ZPBP: variants seen among roughly 807,000 people sequenced by gnomAD.
ZPBP encodes the protein zona pellucida binding protein.
In ZPBP, 26 loss-of-function variants were observed where a neutral mutation model predicts 44.8. The ratio of observed to expected loss-of-function variants is 0.58; its 90% CI spans 0.43 to 0.81. The LOEUF (loss-of-function observed/expected upper bound fraction) is 0.81. Ranked by LOEUF, ZPBP falls within the 30% of genes least tolerant of loss-of-function variation. The pLI, the probability that ZPBP is intolerant of heterozygous loss-of-function variation, is 0.00. For synonymous variants in ZPBP, 174 were observed against 153.2 expected, an observed-to-expected ratio of 1.14 and a Z score of -1.00; for missense variants, 409 against 434.0, an observed-to-expected ratio of 0.94 and a Z score of 0.51.
At chr7:49,929,088 A>G (rs1266588769) in intron 1 of ZPBP, among the ~76,000 whole-genome samples, 1 of 152,194 alleles carries the variant, frequency 6.6e-6, no homozygotes, top group African/African-American at 2.4e-5. Flanking sequence ...GCCTCATCCA[A>G]AATTGGCAGT....
intron 1 of ZPBP, among the ~76,000 whole-genome samples, chr7:49,905,054 G>C (rs1032599122): frequency 6.6e-6 from 1 of 152,064 alleles, no homozygotes; most frequent in Non-Finnish European, 1.5e-5. Context: ...AATTCTAATT[G>C]TTATCTGAAT....
intron 4 of ZPBP, 87 bp downstream of exon 4, chr7:50,057,902 A>G: frequency 8.0e-7 from 1 of 1,247,934 alleles, no homozygotes; most frequent in Non-Finnish European, 1.1e-6. Context: ...AAAATAACAA[A>G]GTCCCTTTAA....
intron 1 of ZPBP, among the ~76,000 whole-genome samples, chr7:49,928,488 C>T (rs755606064): frequency 6.6e-6 from 1 of 152,172 alleles, no homozygotes; most frequent in Non-Finnish European, 1.5e-5. Context: ...TTTCTCTTCC[C>T]CACTCTCCTT....
At chr7:49,918,814 A>T (rs1039118741) in intron 1 of ZPBP, 4 of 152,264 alleles carry the variant, frequency 2.6e-5, no homozygotes, top group African/African-American at 9.7e-5. Context: ...TCACGCCTAT[A>T]ATCCCAGCAC....
intron 2 of ZPBP, among the ~76,000 whole-genome samples, chr7:49,881,687 T>A (rs1791668826): frequency 6.6e-6 from 1 of 152,180 alleles, no homozygotes; most frequent in Non-Finnish European, 1.5e-5. Context: ...TCCCTAAAAG[T>A]CTTTGGTTTG....
intron 2 of ZPBP, among the ~76,000 whole-genome samples, chr7:49,877,273 C>G (rs1791450765): frequency 6.6e-6 from 1 of 150,824 alleles, no homozygotes; most frequent in South Asian, 2.1e-4. Context: ...ACCAGCCTGG[C>G]CAACATGGGG....
intron 7 of ZPBP, among the ~76,000 whole-genome samples, chr7:49,968,334 T>C (rs189950712): frequency 6.6e-6 from 1 of 152,128 alleles, no homozygotes; most frequent in Admixed American, 6.5e-5. Context: ...ACAATGCAAA[T>C]TTTCCAAAAT....
chr7:49,969,159 T>C (rs1490194335), intron 7 of ZPBP, among the ~76,000 whole-genome samples: 1 of 147,994 alleles, frequency 6.8e-6, no homozygotes, highest in African/African-American at 2.5e-5. Context: ...TTTATACATA[T>C]TTTTATACAT....
rs184248428 is a variant in ZPBP at position 50,034,859 on chromosome 7, G to A, written c.488-3549C>T. Among the ~76,000 whole-genome samples the A allele has an allele frequency of 6.8e-4, 103 of 152,314 alleles. 1 individual carries two copies. The highest frequency in any genetic ancestry group is 3.5e-3 in the Admixed American group (54 of 15,302). On this transcript the variant is annotated intron_variant, in intron 4 of 7. Coordinates refer to ENST00000046087, the MANE Select transcript of ZPBP (RefSeq NM_007009.3). ...AAGCTACCAACTTGGAATTTAATAT[G>A]TAAAACTTTCTAAAACTAAAGCTGT... is the stretch of plus-strand genomic sequence containing the variant.
the ZPBP span, among the ~76,000 whole-genome samples, chr7:49,840,728 T>C: frequency 2.0e-5 from 3 of 152,186 alleles, no homozygotes; most frequent in Admixed American, 2.0e-4. Flanking sequence ...TATTCACTCT[T>C]TTATTGTTCA....
chr7:49,881,959 A>ATTAAAATTTCGTATT (rs1791684217), intron 2 of ZPBP, among the ~76,000 whole-genome samples: 1 of 152,042 alleles, frequency 6.6e-6, no homozygotes, highest in Non-Finnish European at 1.5e-5. Context: ...TGTCTTGAAA[A>ATTAAAATTTCGTATT]TAAATTACAT....
chr7:49,940,034 T>C (rs1215136208), intron 7 of ZPBP, among the ~76,000 whole-genome samples: 2 of 152,146 alleles, frequency 1.3e-5, no homozygotes, highest in African/African-American at 2.4e-5. Context: ...CAATCAGAGC[T>C]TGGCTACATC....
chr7:49,845,738 C>T (rs1317279563), downstream of ZPBP, among the ~76,000 whole-genome samples: 1 of 152,194 alleles, frequency 6.6e-6, no homozygotes, highest in African/African-American at 2.4e-5. Context: ...AAGAGCACTT[C>T]CCAGTACAAA....
At chr7:49,846,403 C>G (rs1789947104), downstream of ZPBP, among the ~76,000 whole-genome samples, 4 of 152,214 alleles carry the variant, frequency 2.6e-5, no homozygotes, top group Admixed American at 6.5e-5. Flanking sequence ...ATGCAGGGCT[C>G]CAGCCCTGTG....
At chr7:50,086,355 C>A (rs1056440202) in intron 2 of ZPBP, among the ~76,000 whole-genome samples, 1 of 151,918 alleles carries the variant, frequency 6.6e-6, no homozygotes, top group Non-Finnish European at 1.5e-5. Flanking sequence ...AGGTAGCCCA[C>A]TGAAACAGAC....
At chr7:49,952,672 C>G (rs1305687756) in intron 7 of ZPBP, among the ~76,000 whole-genome samples, 1 of 151,898 alleles carries the variant, frequency 6.6e-6, no homozygotes, top group African/African-American at 2.4e-5. Flanking sequence ...CAATGGTTTA[C>G]TAGACATAAA....
chr7:49,947,544 A>T (rs921270579), intron 7 of ZPBP, among the ~76,000 whole-genome samples: 7 of 152,216 alleles, frequency 4.6e-5, no homozygotes, highest in Admixed American at 2.6e-4. Flanking sequence ...CTCTTCTCTT[A>T]TTTTCCTGCA....
rs752971799 is a variant in ZPBP, at chr7:50,093,065, C to T, written c.127+3G>A. The T allele has an allele frequency of 1.2e-6, 2 of 1,600,300 alleles. No individual in the cohort carries two copies. Among genetic ancestry groups the T allele is most frequent in the African/African-American group, 1.3e-5 (1 of 74,288 alleles). On this transcript the variant is annotated splice_donor_region_variant and intron_variant, in intron 1 of 7. Coordinates refer to ENST00000046087, the MANE Select transcript of ZPBP (RefSeq NM_007009.3). ...GAGCCGGCAGGGCGGCGCGGACCCT[C>T]ACCTGATGAGGGCACCCGCACCAGG...
intron 2 of ZPBP, among the ~76,000 whole-genome samples, chr7:49,882,754 T>C (rs1000018716): frequency 2.0e-5 from 3 of 152,130 alleles, no homozygotes; most frequent in Admixed American, 1.3e-4. Flanking sequence ...ACAGACAAAA[T>C]TGTATTTAAA....
Sources: allele counts gnomAD v4.1 joint callset (sites outside exome capture counted in the v4.1 genomes callset), GRCh38; gene constraint gnomAD v4.1.1; transcripts MANE v1.5; gene names NCBI Gene and HGNC (gene_info 2026-07-23, HGNC 2026-07-21).